The following NYAP2 variants were observed in gnomAD, a reference collection of about 807,000 sequenced individuals.
NYAP2 encodes the protein neuronal tyrosine-phosphorylated phosphoinositide-3-kinase adapter 2.
NYAP2 carries 23 observed loss-of-function variants against 50.4 expected under a neutral mutation model. The ratio of observed to expected loss-of-function variants is 0.46; its 90% CI spans 0.33 to 0.65. The LOEUF (loss-of-function observed/expected upper bound fraction) is 0.65, where lower values mean the gene tolerates loss of function less well. Ranked by LOEUF, NYAP2 falls within the 30% of genes least tolerant of loss-of-function variation. The pLI, the probability that NYAP2 is intolerant of heterozygous loss-of-function variation, is 0.02. For missense variants in NYAP2, 885 were observed against 861.0 expected (o/e 1.03, Z -0.35); for synonymous variants, 394 against 365.2 (o/e 1.08, Z -0.90).
chr2:225,526,468 T>C (rs1170017084), intron 4 of NYAP2, among the ~76,000 whole-genome samples: 4 of 152,120 alleles, frequency 2.6e-5, no homozygotes, highest in Non-Finnish European at 4.4e-5. Context: ...AATGAGATGA[T>C]AGAGGTTCAG....
chr2:225,687,249 G>T, the NYAP2 span, among the ~76,000 whole-genome samples: 19 of 152,168 alleles, frequency 1.2e-4, 1 homozygote, highest in South Asian at 3.7e-3. Flanking sequence ...AGCTTTAAGG[G>T]AATTGAGATA....
the NYAP2 span, among the ~76,000 whole-genome samples, chr2:225,686,370 A>G: frequency 6.6e-6 from 1 of 152,132 alleles, no homozygotes; most frequent in Non-Finnish European, 1.5e-5. Context: ...ATCTTATTTC[A>G]TGGAGGGAAG....
intron 3 of NYAP2, among the ~76,000 whole-genome samples, chr2:225,497,979 AT>A (rs1690537227): frequency 6.6e-6 from 1 of 152,282 alleles, no homozygotes; most frequent in Admixed American, 6.5e-5. Flanking sequence ...CCAAGTCTCT[AT>A]TTTAAAAAGA....
At chr2:225,562,869 T>C (rs965202518) in intron 4 of NYAP2, among the ~76,000 whole-genome samples, 1 of 152,146 alleles carries the variant, frequency 6.6e-6, no homozygotes, top group Non-Finnish European at 1.5e-5. Flanking sequence ...TTTGACAGCA[T>C]CTTTTCTCTT....
At chr2:225,563,771 A>C (rs776332683) in intron 4 of NYAP2, among the ~76,000 whole-genome samples, 55 of 152,154 alleles carry the variant, frequency 3.6e-4, no homozygotes, top group Non-Finnish European at 1.0e-4. Flanking sequence ...TTGAAAATGT[A>C]CTTTCAAATT....
At position 225,534,621 on chromosome 2, in the gene NYAP2, G is replaced by A. The variant is rs922777802; in HGVS notation, c.523+20949G>A. On this transcript the variant is annotated intron_variant, in intron 4 of 6. Transcript: ENST00000636099. ...GATGCAGAAGGAAATTTTAAGTAGA[G>A]GACAGAAAAGACATCATCTTGATAT... Among the ~76,000 whole-genome samples, 49 of 152,122 alleles carry A rather than the reference G, an allele frequency of 3.2e-4. 1 individual carries two copies. The highest frequency in any genetic ancestry group is 1.6e-3 in the Admixed American group (25 of 15,266).
chr2:225,563,319 G>T (rs1247680239), intron 4 of NYAP2, among the ~76,000 whole-genome samples: 1 of 152,142 alleles, frequency 6.6e-6, no homozygotes, highest in Non-Finnish European at 1.5e-5. Context: ...TAGAGGTTAA[G>T]TAGCAAGGGA....
chr2:225,677,882 C>A, the NYAP2 span, among the ~76,000 whole-genome samples: 1 of 151,828 alleles, frequency 6.6e-6, no homozygotes, highest in African/African-American at 2.4e-5. Context: ...TTACTTTTTT[C>A]ATTGTGTCTC....
chr2:225,504,579 A>G (rs1302757421), intron 3 of NYAP2, among the ~76,000 whole-genome samples: 1 of 152,238 alleles, frequency 6.6e-6, no homozygotes, highest in Non-Finnish European at 1.5e-5. Context: ...TGAAGTTCAT[A>G]AAGTATATGT....
rs1260256452 is a variant in NYAP2, at chr2:225,448,764, ATGCT to A, written c.221+39664_221+39667del. 3.9e-5 allele frequency among the ~76,000 whole-genome samples: 6 copies of A among 152,214 alleles called. No homozygotes were observed. In the East Asian group the frequency reaches 1.2e-3, roughly 29 times the overall value. On this transcript the variant is annotated intron_variant, in intron 3 of 6. Coordinates refer to ENST00000636099, the Ensembl canonical transcript of NYAP2. ...ACGGTGACAAGCCATTGTCTTTGTCATGCTCCAGAATCAAAATTAGCCAGAGAGA... is the reference window on the plus strand; with the variant it reads ...ACGGTGACAAGCCATTGTCTTTGTCACCAGAATCAAAATTAGCCAGAGAGA...
intron 3 of NYAP2, among the ~76,000 whole-genome samples, chr2:225,481,384 T>G (rs932479321): frequency 1.3e-5 from 2 of 152,174 alleles, no homozygotes; most frequent in Non-Finnish European, 2.9e-5. Context: ...TGCTCTAGGA[T>G]AATAATACTC....
chr2:225,537,924 A>C (rs1014962444), intron 4 of NYAP2, among the ~76,000 whole-genome samples: 1 of 152,240 alleles, frequency 6.6e-6, no homozygotes, highest in African/African-American at 2.4e-5. Context: ...GACATTGGCC[A>C]AAACAAAGTG....
chr2:225,578,232 A>C (rs1692202410), intron 4 of NYAP2, among the ~76,000 whole-genome samples: 1 of 151,872 alleles, frequency 6.6e-6, no homozygotes, highest in African/African-American at 2.4e-5. Flanking sequence ...TGCACCCCAC[A>C]CTCACACCTT....
rs538662903 is a variant in NYAP2, at chr2:225,555,387, C to T, written c.524-26554C>T. Among the ~76,000 whole-genome samples, 17 of 152,236 alleles carry T rather than the reference C, an allele frequency of 1.1e-4. 1 individual carries two copies. Among genetic ancestry groups the T allele is most frequent in the Admixed American group, 5.9e-4 (9 of 15,278 alleles). On this transcript the variant is annotated intron_variant, in intron 4 of 6. Coordinates refer to ENST00000636099, the Ensembl canonical transcript of NYAP2. ...TAATCAATAAACAACTTTCTTTTCCCTCTCCTAAGACTGTTTTTTTTAGAG... is the reference window on the plus strand; with the variant it reads ...TAATCAATAAACAACTTTCTTTTCCTTCTCCTAAGACTGTTTTTTTTAGAG...
chr2:225,643,327 C>T (rs1300135046), intron 6 of NYAP2, among the ~76,000 whole-genome samples: 4 of 152,106 alleles, frequency 2.6e-5, no homozygotes, highest in Non-Finnish European at 5.9e-5. Context: ...TCCCATGTTC[C>T]TTGTGCTTAA....
chr2:225,671,446 C>T, the NYAP2 span, among the ~76,000 whole-genome samples: 2 of 152,242 alleles, frequency 1.3e-5, no homozygotes, highest in African/African-American at 4.8e-5. Flanking sequence ...TGCTGCAATT[C>T]AGTTACTTCT....
At chr2:225,500,262 C>T (rs538737948) in intron 3 of NYAP2, among the ~76,000 whole-genome samples, 11 of 152,150 alleles carry the variant, frequency 7.2e-5, no homozygotes, top group Non-Finnish European at 1.3e-4. Flanking sequence ...GTGTGTACTA[C>T]GTGTAACTGC....
At chr2:225,703,457 T>C in the NYAP2 span, 26 of 151,746 alleles carry the variant, frequency 1.7e-4, no homozygotes, top group African/African-American at 6.3e-4. Flanking sequence ...ACACTGATGT[T>C]TTAATGTCTC....
intron 3 of NYAP2, among the ~76,000 whole-genome samples, chr2:225,465,873 C>T (rs560850106): frequency 1.3e-5 from 2 of 152,344 alleles, no homozygotes; most frequent in South Asian, 2.1e-4. Flanking sequence ...TTCTTCTACA[C>T]TCAATCACTT....
Sources: gnomAD v4.1 joint callset for allele counts (sites outside exome capture counted in the v4.1 genomes callset) on GRCh38, gnomAD v4.1.1 for gene constraint, MANE v1.5 for transcripts, NCBI Gene and HGNC (gene_info 2026-07-23, HGNC 2026-07-21) for gene names.